The following AVIL variants were observed in gnomAD, a reference collection of about 807,000 sequenced individuals.
AVIL encodes the protein advillin.
A neutral mutation model predicts 109.9 loss-of-function variants in AVIL; 78 were observed. The ratio of observed to expected loss-of-function variants is 0.71; its 90% confidence interval spans 0.59 to 0.86. AVIL has a LOEUF of 0.86. Ranked by LOEUF, AVIL falls within the 40% of genes least tolerant of loss-of-function variation. The pLI, the probability that AVIL is intolerant of heterozygous loss-of-function variation, is 0.00. For synonymous variants in AVIL, 367 were observed against 379.1 expected (o/e 0.97, Z 0.37); for missense variants, 892 against 1,016.5 (o/e 0.88, Z 1.67).
chr12:57,813,138 A>G, intron 4 of AVIL, 89 bp downstream of exon 4: 1 of 1,424,620 alleles, frequency 7.0e-7, no homozygotes, highest in Non-Finnish European at 9.6e-7. Flanking sequence ...CATTTCTCTG[A>G]TTACTTTCTT....
At chr12:57,798,720 A>G (rs1313006344) in intron 19 of AVIL, among the ~76,000 whole-genome samples, 1 of 151,128 alleles carries the variant, frequency 6.6e-6, no homozygotes, top group East Asian at 1.9e-4. Context: ...GGGTTCAAGC[A>G]GTTCTCCTCC....
intron 9 of AVIL, chr12:57,809,192 G>T: frequency 5.2e-6 from 1 of 192,778 alleles, no homozygotes; most frequent in Non-Finnish European, 1.1e-5. Flanking sequence ...GTAGAGACAG[G>T]GTTTCACTAT....
chr12:57,801,721 CAA>C (rs996735797), intron 17 of AVIL, among the ~76,000 whole-genome samples: 1 of 151,762 alleles, frequency 6.6e-6, no homozygotes, highest in Non-Finnish European at 1.5e-5. Flanking sequence ...GCCTGGACAA[CAA>C]GAGCGAAATT....
At chr12:57,815,577 C>T (rs1198798173) in intron 2 of AVIL, 3 of 1,253,880 alleles carry the variant, frequency 2.4e-6, no homozygotes, top group South Asian at 2.7e-5. Context: ...TGCCCCCTCA[C>T]CTCTCCCCAT....
At chr12:57,807,748 C>T (rs543814433) in intron 11 of AVIL, 21 bp from the exon 12 acceptor site, 10 of 1,613,756 alleles carry the variant, frequency 6.2e-6, no homozygotes, top group East Asian at 2.2e-5. Context: ...AAGGAGACAC[C>T]GTTTTCCAGA....
chr12:57,801,272 A>G (rs1276910247), intron 17 of AVIL, 60 bp from the exon 18 acceptor site: 2 of 1,408,422 alleles, frequency 1.4e-6, no homozygotes, highest in Non-Finnish European at 2.0e-6. Flanking sequence ...GGGACATCTT[A>G]GGTCTGGTCT....
intron 16 of AVIL, chr12:57,802,621 C>T: frequency 1.4e-6 from 1 of 702,064 alleles, no homozygotes; most frequent in South Asian, 1.5e-5. Flanking sequence ...TTGCAGAACA[C>T]CTCCTCTTGA....
Position 57,808,447 on chromosome 12 carries a change from T to A in AVIL, c.1041A>T (p.Ser347=). ...AMFKQLFQKW[S]VKDQTMGLGK... is the part of the protein sequence containing the mutation. ...CCAGGCCCATGGTCTGGTCCTTTAC[T>A]GACCACTTCTGGAACAGCTGCTTGA... Residue 347 remains serine (S), a synonymous_variant, in exon 10 of 20, where the codon TCA becomes TCT. Transcript: ENST00000549994. 6.2e-7 allele frequency: 1 copy of A among 1,614,186 alleles called. No homozygotes were observed. Among genetic ancestry groups the A allele is most frequent in the South Asian group, 1.1e-5 (1 of 91,084 alleles).
chr12:57,818,042 A>G (rs1359379047), intron 1 of AVIL, among the ~76,000 whole-genome samples: 1 of 152,024 alleles, frequency 6.6e-6, no homozygotes, highest in Non-Finnish European at 1.5e-5. Flanking sequence ...TTTTTGAGAC[A>G]GGGTCTTGCT....
Position 57,802,333 on chromosome 12 carries a change from CA to C in AVIL, c.1977del (p.Ile659MetfsTer35), listed in dbSNP as rs1422463801. The C allele has an allele frequency of 6.2e-7, 1 of 1,612,022 alleles. No individual in the cohort carries two copies. The highest frequency in any genetic ancestry group is 1.7e-5 in the Admixed American group (1 of 59,634). On this transcript the variant is annotated frameshift_variant, in exon 17 of 20. Coordinates refer to ENST00000549994, the MANE Select transcript of AVIL (RefSeq NM_006576.4). LOFTEE classifies it high-confidence loss of function. ...LDTWDQVFLWIGAEANATEKE... is the reference protein window; with the variant it reads ...LDTWDQVFLWXGAEANATEKE... ...TTCTCCGTGGCATTGGCCTCAGCCCCAATCCACAAGAACACCTGTTAAGGTG... is the reference window on the plus strand; with the variant it reads ...TTCTCCGTGGCATTGGCCTCAGCCCCATCCACAAGAACACCTGTTAAGGTG...
In AVIL at chr12:57,802,213, C is replaced by T; in HGVS notation, c.2098G>A (p.Glu700Lys). 1 of 1,614,088 alleles carries T rather than the reference C, an allele frequency of 6.2e-7. No homozygotes were observed. The highest frequency in any genetic ancestry group is 8.5e-7 in the Non-Finnish European group (1 of 1,179,940). Reference sequence around the variant, plus strand: ...AACCAGCCTGTGAAGATGGGAGGCTCAAACCCCTGCTTAATGATCAGGATT... The same window carrying T: ...AACCAGCCTGTGAAGATGGGAGGCTTAAACCCCTGCTTAATGATCAGGATT... Reference protein sequence around the residue: ...TPILIIKQGFEPPIFTGWFLA... With the variant: ...TPILIIKQGFKPPIFTGWFLA... Residue 700 changes from glutamate to lysine, a missense_variant, in exon 17 of 20, where the codon GAG becomes AAG. Coordinates refer to ENST00000549994, the MANE Select transcript of AVIL (RefSeq NM_006576.4).
chr12:57,814,762 G>A (rs914189770), intron 2 of AVIL: 1 of 154,984 alleles, frequency 6.5e-6, no homozygotes, highest in African/African-American at 2.4e-5. Context: ...GTCTGGGTCA[G>A]GGCCCTGATT....
intron 19 of AVIL, among the ~76,000 whole-genome samples, chr12:57,798,995 T>C (rs1246833633): frequency 6.6e-6 from 1 of 152,220 alleles, no homozygotes; most frequent in East Asian, 1.9e-4. Context: ...TAGGCACTGT[T>C]GTAGGTGCAG....
intron 11 of AVIL, 59 bp downstream of exon 11, chr12:57,808,135 A>C: frequency 6.4e-7 from 1 of 1,562,614 alleles, no homozygotes; most frequent in Non-Finnish European, 8.8e-7. Context: ...CCCTGCCCCC[A>C]GCAGGACAGC....
At chr12:57,803,992 AC>A in intron 14 of AVIL, 1 of 225,378 alleles carries the variant, frequency 4.4e-6, no homozygotes, top group East Asian at 1.0e-4. Context: ...AAAAGTACAT[AC>A]AATAAAATAT....
At chr12:57,805,638 A>T (rs1955931131) in intron 14 of AVIL, among the ~76,000 whole-genome samples, 1 of 148,834 alleles carries the variant, frequency 6.7e-6, no homozygotes, top group Non-Finnish European at 1.5e-5. Context: ...GGTTCAAGCG[A>T]TTCTCCTGCC....
intron 19 of AVIL, among the ~76,000 whole-genome samples, chr12:57,799,293 C>A (rs941045343): frequency 2.1e-4 from 32 of 152,312 alleles, no homozygotes; most frequent in African/African-American, 7.7e-4. Context: ...TTTTAAGGAA[C>A]AGCAAAGCAG....
chr12:57,811,013 A>G lies in AVIL; in HGVS notation c.447+6T>C. ...GGGCCTGGGGCAGAGAGTGTGCAGGACTAACCTCGGTAGCCCTGATGTTTC... is the reference window on the plus strand; with the variant it reads ...GGGCCTGGGGCAGAGAGTGTGCAGGGCTAACCTCGGTAGCCCTGATGTTTC... On this transcript the variant is annotated splice_donor_region_variant and intron_variant, in intron 5 of 19. Transcript: ENST00000549994. 6.2e-7 allele frequency: 1 copy of G among 1,614,140 alleles called. No homozygotes were observed. Among genetic ancestry groups the G allele is most frequent in the Non-Finnish European group, 8.5e-7 (1 of 1,179,982 alleles).
Position 57,816,016 on chromosome 12 carries a change from C to A in AVIL, c.25G>T (p.Ala9Ser), listed in dbSNP as rs148203782. 305 of 1,614,000 alleles carry A rather than the reference C, an allele frequency of 1.9e-4. No homozygotes were observed. The highest frequency in any genetic ancestry group is 2.5e-4 in the Non-Finnish European group (290 of 1,179,996). ...ATGATCCCAGGGTCGTTGTCCACAGCCCTGAAGGCACTGGTCAGAGGCATG... is the reference window on the plus strand; with the variant it reads ...ATGATCCCAGGGTCGTTGTCCACAGACCTGAAGGCACTGGTCAGAGGCATG... The part of the protein sequence containing the change: MPLTSAFR[A>S]VDNDPGIIVW... The change falls in exon 2 of 20, where the codon GCT (alanine) becomes TCT (serine). Residue 9 changes from alanine (A) to serine (S), a missense_variant. By Grantham distance (99) the Ala-to-Ser change is moderately conservative. Coordinates refer to ENST00000549994, the MANE Select transcript of AVIL (RefSeq NM_006576.4).
Sources: allele counts gnomAD v4.1 joint callset (sites outside exome capture counted in the v4.1 genomes callset), GRCh38; gene constraint gnomAD v4.1.1; transcripts MANE v1.5; gene names NCBI Gene and HGNC (gene_info 2026-07-23, HGNC 2026-07-21).